Variants in MAGT1 observed in about 807,000 individuals in gnomAD.
MAGT1 encodes magnesium transporter 1.
Under a neutral mutation model 28.4 loss-of-function variants are expected in MAGT1, and 4 were observed. The ratio of observed to expected loss-of-function variants is 0.14; its 90% CI spans 0.07 to 0.32. MAGT1 has a LOEUF of 0.32. Among genes scored for constraint, MAGT1 ranks in the 10% least tolerant of loss-of-function variants. MAGT1 has a pLI of 1.00. For missense variants in MAGT1, 193 were observed against 264.5 expected (o/e 0.73, Z 1.88); for synonymous variants, 89 against 89.7 (o/e 0.99, Z 0.04).
At chrX:77,849,173 C>A (rs1283773984) in intron 7 of MAGT1, among the ~76,000 whole-genome samples, 2 of 108,612 alleles carry the variant, frequency 1.8e-5, no homozygotes, top group Non-Finnish European at 3.8e-5. Flanking sequence ...ACCTCCTGGG[C>A]TCAAGCCACC....
At chrX:77,878,578 G>A (rs1366171377) in intron 1 of MAGT1, among the ~76,000 whole-genome samples, 2 of 107,103 alleles carry the variant, frequency 1.9e-5, no homozygotes, top group African/African-American at 3.4e-5. Context: ...CCTGAGGTCA[G>A]GAGTTTGAGA....
chrX:77,833,924 A>G (rs1026410107), intron 8 of MAGT1, among the ~76,000 whole-genome samples: 2 of 110,628 alleles, frequency 1.8e-5, no homozygotes, highest in Non-Finnish European at 3.8e-5. Context: ...TACTGGTGTA[A>G]AAACAGACAT....
At chrX:77,840,050 C>T (rs1174312043) in intron 8 of MAGT1, among the ~76,000 whole-genome samples, 1 of 110,736 alleles carries the variant, frequency 9.0e-6, no homozygotes, top group Non-Finnish European at 1.9e-5. Context: ...AATACTCAGA[C>T]AGAGGACCAC....
Position 77,863,110 on chromosome X carries a change from T to C in MAGT1, c.391-5613A>G, listed in dbSNP as rs1300401440. On this transcript the variant is annotated intron_variant, in intron 3 of 9. Coordinates refer to ENST00000618282, the MANE Select transcript of MAGT1 (RefSeq NM_001367916.1). ...TGAACCCAGGAAGCGGAGGTTGCAG[T>C]GAGCCGAAATCTGCACTCCAGCCTG... Among the ~76,000 whole-genome samples, 3 of 109,286 alleles carry C rather than the reference T, an allele frequency of 2.7e-5. No homozygotes were observed. The East Asian group carries it at 8.7e-4, about 32-fold the overall frequency. 94.9% of individuals were successfully genotyped at this position (109,286 alleles called of 115,157 possible).
chrX:77,843,386 AC>A (rs2076941125), intron 7 of MAGT1, among the ~76,000 whole-genome samples: 1 of 111,147 alleles, frequency 9.0e-6, no homozygotes, highest in Admixed American at 9.7e-5. Context: ...ACAGGTGCAT[AC>A]CACGCCACGT....
chrX:77,851,810 C>T (rs1222271025), intron 7 of MAGT1, among the ~76,000 whole-genome samples: 2 of 111,501 alleles, frequency 1.8e-5, no homozygotes, highest in East Asian at 5.7e-4. Flanking sequence ...AGCCACCACA[C>T]CCAGCCCATA....
intron 8 of MAGT1, among the ~76,000 whole-genome samples, chrX:77,834,207 T>TAC (rs1242341115): frequency 1.0e-5 from 1 of 98,361 alleles, no homozygotes; most frequent in African/African-American, 3.7e-5. Flanking sequence ...TGCATATATA[T>TAC]ACATGTGTGT....
intron 1 of MAGT1, among the ~76,000 whole-genome samples, chrX:77,889,721 A>T (rs2149029798): frequency 9.0e-6 from 1 of 111,113 alleles, no homozygotes; most frequent in African/African-American, 3.3e-5. Flanking sequence ...ACAGGCATGC[A>T]ATGTGCACTC....
chrX:77,887,968 G>A (rs1557219133), intron 1 of MAGT1, among the ~76,000 whole-genome samples: 1 of 110,668 alleles, frequency 9.0e-6, no homozygotes, highest in African/African-American at 3.3e-5. Context: ...GCACCACCAC[G>A]CCCAGCTAAT....
chrX:77,884,810 C>A (rs1440325130), intron 1 of MAGT1, among the ~76,000 whole-genome samples: 1 of 108,196 alleles, frequency 9.2e-6, no homozygotes, highest in African/African-American at 3.4e-5. Flanking sequence ...AAAGGCCGGG[C>A]GCAGTGGCTC....
chrX:77,834,397 T>G (rs2076910392), intron 8 of MAGT1, among the ~76,000 whole-genome samples: 1 of 106,633 alleles, frequency 9.4e-6, no homozygotes, highest in African/African-American at 3.4e-5. Flanking sequence ...TGCAGTGGCA[T>G]GATCTTGGCT....
chrX:77,881,256 TG>T (rs1156913130), intron 1 of MAGT1, among the ~76,000 whole-genome samples: 2 of 111,443 alleles, frequency 1.8e-5, no homozygotes, highest in African/African-American at 3.3e-5. Flanking sequence ...TGCCATATTT[TG>T]TTTTTTTTAT....
chrX:77,832,014 A>G (rs574838123), intron 8 of MAGT1, among the ~76,000 whole-genome samples: 36 of 112,078 alleles, frequency 3.2e-4, no homozygotes, highest in African/African-American at 1.2e-3. Flanking sequence ...TCATGCACAG[A>G]TAACTACACA....
intron 1 of MAGT1, among the ~76,000 whole-genome samples, chrX:77,891,862 A>G (rs1410621755): frequency 1.8e-5 from 2 of 112,475 alleles, no homozygotes; most frequent in Non-Finnish European, 3.7e-5. Context: ...CATTCCATTT[A>G]GCAATAGACA....
In MAGT1 at chrX:77,829,167, T is replaced by A. The variant is rs1351653608; in HGVS notation, c.*53A>T. On this transcript the variant is annotated 3_prime_UTR_variant, in exon 10 of 10. Transcript: ENST00000618282. ...CATTCTTCTTTTCAAACACACACGA[T>A]TTTCGTTTTTCAATTTCCAGTACTC... 2 of 1,079,096 alleles carry A rather than the reference T, an allele frequency of 1.9e-6. No homozygotes were observed. Among genetic ancestry groups the A allele is most frequent in the Admixed American group, 4.4e-5 (2 of 44,965 alleles). 88.9% of individuals were successfully genotyped at this position (1,079,096 alleles called of 1,213,427 possible).
At chrX:77,849,437 T>A (rs1018784420) in intron 7 of MAGT1, among the ~76,000 whole-genome samples, 5 of 110,939 alleles carry the variant, frequency 4.5e-5, no homozygotes, top group Non-Finnish European at 1.9e-5. Context: ...CCCATAGTGT[T>A]AGCAGTCAGG....
At chrX:77,832,553 G>A (rs1378753316) in intron 8 of MAGT1, among the ~76,000 whole-genome samples, 2 of 110,945 alleles carry the variant, frequency 1.8e-5, no homozygotes, top group African/African-American at 6.5e-5. Flanking sequence ...ATTTTCGGCC[G>A]GGCGCTGTGG....
At chrX:77,877,541 G>A (rs1557217966) in intron 1 of MAGT1, among the ~76,000 whole-genome samples, 5 of 109,035 alleles carry the variant, frequency 4.6e-5, no homozygotes, top group East Asian at 2.8e-4. Flanking sequence ...GGCCGGGTGC[G>A]GTGGCTCACA....
At position 77,873,141 on chromosome X, in the gene MAGT1, T is replaced by C. The variant is rs1481471576; in HGVS notation, c.273-2216A>G. Among the ~76,000 whole-genome samples the C allele has an allele frequency of 1.4e-4, 16 of 112,634 alleles. No homozygotes were observed. The East Asian group carries it at 3.0e-3, about 21-fold the overall frequency. On this transcript the variant is annotated intron_variant, in intron 2 of 9. Transcript: ENST00000618282. ...TAATTCTAGATTTCAAGTTTATTCATAGTTATTACTTACGATTCCTTTTTC... is the reference window on the plus strand; with the variant it reads ...TAATTCTAGATTTCAAGTTTATTCACAGTTATTACTTACGATTCCTTTTTC...
Sources: allele counts gnomAD v4.1 joint callset (sites outside exome capture counted in the v4.1 genomes callset), GRCh38; gene constraint gnomAD v4.1.1; transcripts MANE v1.5; gene names NCBI Gene and HGNC (gene_info 2026-07-23, HGNC 2026-07-21).